Variants in SEPTIN6 observed in about 807,000 individuals in gnomAD.
SEPTIN6 encodes the protein septin 6, also known as septin-6.
SEPTIN6 carries 8 observed loss-of-function variants against 33.6 expected under a neutral mutation model. That is an observed-to-expected ratio of 0.24 (90% confidence interval 0.14 to 0.43). SEPTIN6 has a LOEUF of 0.43. Ranked by LOEUF, SEPTIN6 falls within the 20% of genes least tolerant of loss-of-function variation. The pLI is 1.00. For synonymous variants in SEPTIN6, 131 were observed against 140.0 expected, an observed-to-expected ratio of 0.94 and a Z score of 0.45; for missense variants, 250 against 340.8, an observed-to-expected ratio of 0.73 and a Z score of 2.10.
intron 7 of SEPTIN6, 47 bp downstream of exon 7, chrX:119,636,980 G>A (rs190838433): frequency 1.7e-6 from 2 of 1,176,608 alleles, no homozygotes; most frequent in African/African-American, 3.5e-5. Flanking sequence ...ACCTGAGTGG[G>A]CTGAGCTGAG....
intron 1 of SEPTIN6, among the ~76,000 whole-genome samples, chrX:119,679,837 C>T (rs1377996737): frequency 9.0e-6 from 1 of 111,153 alleles, no homozygotes; most frequent in Non-Finnish European, 1.9e-5. Context: ...TCCAGCCAGC[C>T]TGGGGGACAG....
intron 4 of SEPTIN6, among the ~76,000 whole-genome samples, 183 bp from the exon 5 acceptor site, chrX:119,650,281 C>A (rs1211226024): frequency 8.9e-6 from 1 of 112,220 alleles, no homozygotes; most frequent in Admixed American, 9.5e-5. Flanking sequence ...GGGCACTGAA[C>A]TAAGTGCTTT....
At chrX:119,671,007 C>T (rs1427108075) in intron 2 of SEPTIN6, among the ~76,000 whole-genome samples, 1 of 110,642 alleles carries the variant, frequency 9.0e-6, no homozygotes, top group Non-Finnish European at 1.9e-5. Flanking sequence ...CACATGCACA[C>T]ATGCATGTAG....
At chrX:119,628,237 C>T (rs1483146834) in intron 9 of SEPTIN6, among the ~76,000 whole-genome samples, 1 of 109,351 alleles carries the variant, frequency 9.1e-6, no homozygotes. Flanking sequence ...ATTCTCCTGC[C>T]TCAGCCTCCT....
chrX:119,629,683 G>A (rs936002880), intron 8 of SEPTIN6, among the ~76,000 whole-genome samples, 175 bp from the exon 9 acceptor site: 4 of 111,417 alleles, frequency 3.6e-5, no homozygotes, highest in African/African-American at 6.5e-5. Flanking sequence ...GCTCTGGATC[G>A]TTCTCTCTTC....
chrX:119,676,496 G>A (rs993865520), intron 1 of SEPTIN6, among the ~76,000 whole-genome samples: 9 of 108,345 alleles, frequency 8.3e-5, no homozygotes, highest in Non-Finnish European at 1.1e-4. Flanking sequence ...ATTGGCTGGC[G>A]AAATGTCTCA....
At position 119,668,312 on chromosome X, in the gene SEPTIN6, C is replaced by CAG. The variant is rs761569775; in HGVS notation, c.146-4637_146-4636dup. On this transcript the variant is annotated intron_variant, in intron 2 of 10. Coordinates refer to ENST00000394610, the MANE Select transcript of SEPTIN6 (RefSeq NM_145799.4). ...TCCTGTCTAAGAAAGAAAGGAAAGA[C>CAG]AGAGAGAGAGAGAGAGAGAGACAGA... Among the ~76,000 whole-genome samples the CAG allele has an allele frequency of 7.8e-3, 618 of 79,732 alleles. 4 individuals carry two copies. The highest frequency in any genetic ancestry group is 0.026 in the African/African-American group (449 of 17,107). The allele number at this position is 79,732 out of a possible 115,157, so 69.2% of individuals were successfully genotyped here. A position where few individuals can be genotyped will look rare whatever the true frequency, so the allele number is the denominator to read the frequency against.
chrX:119,640,576 C>A, intron 6 of SEPTIN6, 116 bp downstream of exon 6: 1 of 573,155 alleles, frequency 1.7e-6, no homozygotes, highest in East Asian at 3.5e-5. Flanking sequence ...GGGACCCATG[C>A]CGAATGAGCA....
intron 10 of SEPTIN6, among the ~76,000 whole-genome samples, chrX:119,620,657 T>C (rs1405708246): frequency 9.2e-6 from 1 of 108,135 alleles, no homozygotes; most frequent in Non-Finnish European, 1.9e-5. Context: ...TTTTGGTCTT[T>C]TGCCCAGGCT....
rs1238743353 is a variant in SEPTIN6 at position 119,629,597 on chromosome X, C to T, written c.1090-89G>A. ...CCCAGGTGGGTGGGGACCAGTAGGG[C>T]TGTGACCCTGCAGGACCCTGGAACC... On this transcript the variant is annotated intron_variant, in intron 8 of 10. Transcript: ENST00000394610. The T allele has an allele frequency of 8.4e-6, 7 of 831,778 alleles. No homozygotes were observed. In the South Asian group the frequency reaches 1.2e-4, roughly 14 times the overall value. The allele number at this position is 831,778 out of a possible 1,213,427, so 68.5% of individuals were successfully genotyped here.
At chrX:119,687,175 CAT>C (rs1232291944) in intron 1 of SEPTIN6, among the ~76,000 whole-genome samples, 1 of 111,306 alleles carries the variant, frequency 9.0e-6, no homozygotes, top group Non-Finnish European at 1.9e-5. Flanking sequence ...TTGAAAGAAA[CAT>C]GTTATATATA....
At position 119,620,309 on chromosome X, in the gene SEPTIN6, ATCTT is replaced by A. The variant is rs1179832964; in HGVS notation, c.*42-262_*42-259del. On this transcript the variant is annotated intron_variant, in intron 10 of 10. Coordinates refer to ENST00000394610, the MANE Select transcript of SEPTIN6 (RefSeq NM_145799.4). ...ATCAACAACCACAAAAATACATTTTATCTTTCTTTCTTTTTTTTTTTTTTTTTGA... is the reference window on the plus strand; with the variant it reads ...ATCAACAACCACAAAAATACATTTTATCTTTCTTTTTTTTTTTTTTTTTGA... Among the ~76,000 whole-genome samples the A allele has an allele frequency of 4.5e-4, 48 of 107,410 alleles. 1 individual carries two copies. The South Asian group carries it at 0.015, about 35-fold the overall frequency. The allele number at this position is 107,410 out of a possible 115,157, so 93.3% of individuals were successfully genotyped here.
intron 3 of SEPTIN6, among the ~76,000 whole-genome samples, chrX:119,654,484 G>T (rs770233297): frequency 2.9e-4 from 32 of 111,474 alleles, no homozygotes; most frequent in Non-Finnish European, 5.7e-4. Flanking sequence ...TTCAGATACC[G>T]CTGCCAGAAG....
In SEPTIN6 at chrX:119,668,375, C is replaced by T. The variant is rs142497225; in HGVS notation, c.146-4698G>A. ...GAAAGAAAAAGAAAAGACTTCTAGC[C>T]AGGTTATCACTAAGTTACTTTGTGA... On this transcript the variant is annotated intron_variant, in intron 2 of 10. Coordinates refer to ENST00000394610, the MANE Select transcript of SEPTIN6 (RefSeq NM_145799.4). Among the ~76,000 whole-genome samples, 691 of 111,586 alleles carry T rather than the reference C, an allele frequency of 6.2e-3. 23 individuals are homozygous for T. In the East Asian group the frequency reaches 0.12, roughly 19 times the overall value.
chrX:119,663,610 T>C lies in SEPTIN6; in HGVS notation c.213A>G (p.Pro71=). The change falls in exon 3 of 11, where the codon CCA becomes CCG. Residue 71 remains proline (P), a synonymous_variant. Transcript: ENST00000394610. ...GGACACCCGGCTGTGTGTGGGTGGCTGGCTCCCCTTCGAATTTGGTGTTGA... is the reference window on the plus strand; with the variant it reads ...GGACACCCGGCTGTGTGTGGGTGGCCGGCTCCCCTTCGAATTTGGTGTTGA... The part of the protein sequence containing the change: ...TLFNTKFEGE[P]ATHTQPGVQL... The C allele has an allele frequency of 8.3e-7, 1 of 1,211,218 alleles. No homozygotes were observed. Among genetic ancestry groups the C allele is most frequent in the South Asian group, 1.8e-5 (1 of 56,851 alleles).
At chrX:119,645,705 T>A (rs867050728) in intron 5 of SEPTIN6, among the ~76,000 whole-genome samples, 9 of 111,345 alleles carry the variant, frequency 8.1e-5, no homozygotes, top group African/African-American at 2.6e-4. Context: ...TAATTTTTTG[T>A]ATTTTTAGTA....
chrX:119,660,838 G>A (rs1318981934), intron 3 of SEPTIN6, among the ~76,000 whole-genome samples: 1 of 106,113 alleles, frequency 9.4e-6, no homozygotes, highest in African/African-American at 3.5e-5. Flanking sequence ...TCAGGAGTTC[G>A]AGACCAGCCT....
Position 119,618,065 on chromosome X carries a change from A to T in SEPTIN6, c.*2028T>A. 5.0e-6 allele frequency: 4 copies of T among 806,438 alleles called. No homozygotes were observed. The highest frequency in any genetic ancestry group is 4.5e-6 in the Non-Finnish European group (3 of 671,565). 66.5% of individuals were successfully genotyped at this position (806,438 alleles called of 1,213,427 possible). ...TCTGGGAAAGCAGCTCTGAAGCTGGACATAGAATCATCAAAGTTGCAAATA... is the reference window on the plus strand; with the variant it reads ...TCTGGGAAAGCAGCTCTGAAGCTGGTCATAGAATCATCAAAGTTGCAAATA... On this transcript the variant is annotated 3_prime_UTR_variant, in exon 11 of 11. Transcript: ENST00000394610.
At chrX:119,676,509 C>T (rs960876867) in intron 1 of SEPTIN6, among the ~76,000 whole-genome samples, 1 of 111,162 alleles carries the variant, frequency 9.0e-6, no homozygotes, top group Non-Finnish European at 1.9e-5. Context: ...ATGTCTCACA[C>T]CTGTAATCCC....
Sources: allele counts gnomAD v4.1 joint callset (sites outside exome capture counted in the v4.1 genomes callset), GRCh38; gene constraint gnomAD v4.1.1; transcripts MANE v1.5; gene names NCBI Gene and HGNC (gene_info 2026-07-23, HGNC 2026-07-21).